The following HMGB1 variants were observed in gnomAD, a reference collection of about 807,000 sequenced individuals.
The protein encoded by HMGB1 is high mobility group protein B1.
For missense variants in HMGB1, 79 were observed against 253.5 expected, an observed-to-expected ratio of 0.31 and a Z score of 4.67; for synonymous variants, 81 against 84.0, an observed-to-expected ratio of 0.96 and a Z score of 0.19.
At chr13:30,485,024 TTTTC>T (rs1408362530) in intron 1 of HMGB1, among the ~76,000 whole-genome samples, 23 of 99,776 alleles carry the variant, frequency 2.3e-4, no homozygotes, top group African/African-American at 5.2e-4. Flanking sequence ...ACATTTCTTT[TTTTC>T]TTTTTCTTTT....
intron 1 of HMGB1, among the ~76,000 whole-genome samples, chr13:30,593,353 C>A (rs1039921629): frequency 1.3e-5 from 2 of 152,172 alleles, no homozygotes; most frequent in African/African-American, 4.8e-5. Flanking sequence ...ACCTCCATGT[C>A]AGGATAACAA....
chr13:30,527,901 A>G (rs1888404743), intron 1 of HMGB1, among the ~76,000 whole-genome samples: 1 of 152,140 alleles, frequency 6.6e-6, no homozygotes, highest in African/African-American at 2.4e-5. Context: ...CCCCTAATCT[A>G]TACCCTCCTG....
chr13:30,535,710 C>T lies in HMGB1; in HGVS notation c.-14-72016G>A, dbSNP rs183358714. 8.5e-5 allele frequency among the ~76,000 whole-genome samples: 13 copies of T among 152,222 alleles called. No homozygotes were observed. The East Asian group carries it at 1.7e-3, about 20-fold the overall frequency. ...TTCGAAACCAGCCTGGCCAACATGG[C>T]GAAACCACATCTCTACTAAAAATAC... is the stretch of plus-strand genomic sequence containing the variant. On this transcript the variant is annotated intron_variant, in intron 1 of 4. Transcript: ENST00000405805.
In HMGB1 at chr13:30,463,713, AT is replaced by A. The variant is rs768034795; in HGVS notation, c.-14-20del. The A allele has an allele frequency of 9.5e-6, 14 of 1,467,590 alleles. No homozygotes were observed. Among genetic ancestry groups the A allele is most frequent in the Non-Finnish European group, 1.2e-5 (13 of 1,084,938 alleles). The allele number at this position is 1,467,590 out of a possible 1,614,324, so 90.9% of individuals were successfully genotyped here. ...TATTTTTCTAAAAAATAAAATAAAT[AT>A]TTGATGTTAGCAATAAAATTATGAC... On this transcript the variant is annotated intron_variant, in intron 1 of 4. Coordinates refer to ENST00000341423, the MANE Select transcript of HMGB1 (RefSeq NM_002128.7).
chr13:30,606,768 C>T (rs1185891213), intron 1 of HMGB1, among the ~76,000 whole-genome samples: 3 of 152,182 alleles, frequency 2.0e-5, no homozygotes, highest in Non-Finnish European at 4.4e-5. Flanking sequence ...AAAATGCAAA[C>T]TGACCTAACA....
chr13:30,502,647 T>A (rs200751697), intron 1 of HMGB1, among the ~76,000 whole-genome samples: 1 of 81,478 alleles, frequency 1.2e-5, no homozygotes, highest in African/African-American at 3.2e-5. Flanking sequence ...TACTTTATTT[T>A]ATTTATTTTA....
At chr13:30,574,187 C>T (rs530360186) in intron 1 of HMGB1, among the ~76,000 whole-genome samples, 78 of 152,346 alleles carry the variant, frequency 5.1e-4, no homozygotes, top group African/African-American at 1.8e-3. Context: ...AACACTCCTA[C>T]GTCCAACTGG....
intron 1 of HMGB1, among the ~76,000 whole-genome samples, chr13:30,514,708 G>A (rs989608079): frequency 2.7e-5 from 4 of 149,796 alleles, no homozygotes; most frequent in African/African-American, 9.8e-5. Flanking sequence ...CACCATCATA[G>A]CTCACTGCAG....
chr13:30,600,218 G>T (rs1294214221), intron 1 of HMGB1, among the ~76,000 whole-genome samples: 3 of 152,056 alleles, frequency 2.0e-5, no homozygotes, highest in African/African-American at 7.2e-5. Flanking sequence ...ATAATCTCTG[G>T]CAGAGCAATC....
At chr13:30,600,717 G>A (rs948464244) in intron 1 of HMGB1, among the ~76,000 whole-genome samples, 1 of 152,042 alleles carries the variant, frequency 6.6e-6, no homozygotes, top group Non-Finnish European at 1.5e-5. Flanking sequence ...AGTGATTAGG[G>A]ATACTCAACT....
At chr13:30,481,306 G>A (rs1887222656) in intron 1 of HMGB1, among the ~76,000 whole-genome samples, 1 of 137,566 alleles carries the variant, frequency 7.3e-6, no homozygotes, top group Non-Finnish European at 1.6e-5. Flanking sequence ...ATCTGCTACA[G>A]CAACAGAAAA....
At chr13:30,482,904 C>T (rs914962569) in intron 1 of HMGB1, among the ~76,000 whole-genome samples, 4 of 151,822 alleles carry the variant, frequency 2.6e-5, no homozygotes, top group African/African-American at 9.7e-5. Context: ...CCTCATGCCT[C>T]AGCCTCCTGG....
upstream of HMGB1, among the ~76,000 whole-genome samples, chr13:30,467,419 G>C (rs1381095576): frequency 1.3e-5 from 2 of 152,048 alleles, no homozygotes. Context: ...AATCTTTCCT[G>C]TTTTAATGTT....
chr13:30,465,041 G>A, intron 1 of HMGB1: 1 of 454,326 alleles, frequency 2.2e-6, no homozygotes, highest in African/African-American at 2.2e-5. Context: ...AGAACGCGGG[G>A]CTGTGAAAAG....
At chr13:30,587,249 A>G (rs951308093) in intron 1 of HMGB1, among the ~76,000 whole-genome samples, 5 of 152,244 alleles carry the variant, frequency 3.3e-5, no homozygotes, top group African/African-American at 9.6e-5. Flanking sequence ...ATATAGTAAT[A>G]AAATTTTCAG....
intron 1 of HMGB1, among the ~76,000 whole-genome samples, chr13:30,536,984 G>A (rs367785050): frequency 5.3e-5 from 8 of 152,084 alleles, no homozygotes; most frequent in South Asian, 2.1e-4. Context: ...CTTCTTCTCC[G>A]TTCCATGGGT....
rs894464404 is a variant in HMGB1, at chr13:30,559,235, G to A, written c.-15+57436C>T. 6.6e-6 allele frequency among the ~76,000 whole-genome samples: 1 copy of A among 152,042 alleles called. No individual in the cohort carries two copies. Among genetic ancestry groups the A allele is most frequent in the Non-Finnish European group, 1.5e-5 (1 of 67,994 alleles). ...CCTTACCAAGGTACGTTAGGCACTG[G>A]CCTCACTCCAAGGCCAGTGCTTCCT... On this transcript the variant is annotated intron_variant, in intron 1 of 4. Coordinates refer to the HMGB1 transcript ENST00000405805. This position sits in a 1 kb window ranked among gnomAD's most constrained non-coding sequence, Gnocchi z 6.6.
chr13:30,605,547 C>G (rs1383082155), intron 1 of HMGB1, among the ~76,000 whole-genome samples: 1 of 152,194 alleles, frequency 6.6e-6, no homozygotes, highest in Non-Finnish European at 1.5e-5. Flanking sequence ...GCAAGGACCA[C>G]CAGGTCTGGC....
At chr13:30,533,722 T>C (rs753710737) in intron 1 of HMGB1, among the ~76,000 whole-genome samples, 2 of 152,162 alleles carry the variant, frequency 1.3e-5, no homozygotes, top group Non-Finnish European at 2.9e-5. Flanking sequence ...GACACAGGTA[T>C]ACACATGTAT....
Sources: gnomAD v4.1 joint callset for allele counts (sites outside exome capture counted in the v4.1 genomes callset) on GRCh38, gnomAD v4.1.1 for gene constraint, Gnocchi (gnomAD v3.1) non-coding constraint, MANE v1.5 for transcripts, NCBI Gene and HGNC (gene_info 2026-07-23, HGNC 2026-07-21) for gene names.